DSCAM: variants seen among roughly 807,000 people sequenced by gnomAD.
The protein encoded by DSCAM is DS cell adhesion molecule, also known as cell adhesion molecule DSCAM.
In DSCAM, 47 loss-of-function variants were observed where a neutral mutation model predicts 217.7. The observed-to-expected ratio is 0.22, with a 90% CI of 0.17 to 0.28. DSCAM has a LOEUF of 0.28. Ranked by LOEUF, DSCAM falls within the 10% of genes least tolerant of loss-of-function variation. DSCAM has a pLI of 1.00. For synonymous variants in DSCAM, 1,056 were observed against 1,015.3 expected, an observed-to-expected ratio of 1.04 and a Z score of -0.76; for missense variants, 2,080 against 2,618.3, an observed-to-expected ratio of 0.79 and a Z score of 4.49.
chr21:40,243,120 TTC>T (rs1187291728), intron 11 of DSCAM, among the ~76,000 whole-genome samples: 2 of 152,350 alleles, frequency 1.3e-5, no homozygotes, highest in East Asian at 3.9e-4. Context: ...ACCCCTGGGA[TTC>T]TGTTACAGTG....
intron 3 of DSCAM, among the ~76,000 whole-genome samples, chr21:40,449,328 C>T (rs2075700929): frequency 6.6e-6 from 1 of 152,156 alleles, no homozygotes; most frequent in Non-Finnish European, 1.5e-5. Flanking sequence ...GGGGGAGCAT[C>T]ATTCTATCAC....
At chr21:40,055,123 A>G (rs1256516131) in intron 29 of DSCAM, among the ~76,000 whole-genome samples, 1 of 152,144 alleles carries the variant, frequency 6.6e-6, no homozygotes, top group East Asian at 1.9e-4. Context: ...CTGGTTGAAC[A>G]AGCCAGAAAA....
chr21:40,044,748 AC>A (rs2088816131), intron 30 of DSCAM, among the ~76,000 whole-genome samples: 2 of 152,356 alleles, frequency 1.3e-5, no homozygotes, highest in South Asian at 4.1e-4. Context: ...GGATGATAGT[AC>A]AAAAAATAAT....
Position 40,591,485 on chromosome 21 carries a change from T to C in DSCAM, c.508+101325A>G, listed in dbSNP as rs1392671574. Among the ~76,000 whole-genome samples, 8 of 152,256 alleles carry C rather than the reference T, an allele frequency of 5.3e-5. No individual in the cohort carries two copies. In the East Asian group the frequency reaches 9.7e-4, roughly 18 times the overall value. ...CATTCGATATAAGTAAAGAGGAAAA[T>C]TGTATGTTAACTTGTTTTCTATCCC... is the stretch of plus-strand genomic sequence containing the variant. On this transcript the variant is annotated intron_variant, in intron 3 of 32. Coordinates refer to ENST00000400454, the MANE Select transcript of DSCAM (RefSeq NM_001389.5).
intron 3 of DSCAM, among the ~76,000 whole-genome samples, chr21:40,491,578 T>C (rs2076076423): frequency 2.6e-5 from 4 of 152,132 alleles, no homozygotes; most frequent in Admixed American, 2.0e-4. Flanking sequence ...TTCCAAGGGC[T>C]GCAATACCCC....
chr21:40,438,271 A>G (rs1296045703), intron 3 of DSCAM, among the ~76,000 whole-genome samples: 1 of 151,846 alleles, frequency 6.6e-6, no homozygotes, highest in Non-Finnish European at 1.5e-5. Flanking sequence ...AGCTTGTGAT[A>G]TTGTCCAAAG....
At chr21:40,036,977 T>TA (rs1204536984) in intron 32 of DSCAM, among the ~76,000 whole-genome samples, 1 of 150,728 alleles carries the variant, frequency 6.6e-6, no homozygotes, top group Non-Finnish European at 1.5e-5. Context: ...CCCTTCATGC[T>TA]AAAAACTCTT....
chr21:40,555,394 T>C (rs1344080110), intron 3 of DSCAM, among the ~76,000 whole-genome samples: 1 of 152,230 alleles, frequency 6.6e-6, no homozygotes, highest in Non-Finnish European at 1.5e-5. Context: ...AACCCAATGA[T>C]ATGTCATTTC....
intron 2 of DSCAM, among the ~76,000 whole-genome samples, chr21:40,699,963 C>A (rs2090638139): frequency 6.6e-6 from 1 of 152,122 alleles, no homozygotes; most frequent in African/African-American, 2.4e-5. Flanking sequence ...AAAATGCCAT[C>A]CAGGATTTTC....
intron 3 of DSCAM, among the ~76,000 whole-genome samples, chr21:40,462,513 T>C (rs1338397010): frequency 6.6e-6 from 1 of 151,858 alleles, no homozygotes; most frequent in Non-Finnish European, 1.5e-5. Flanking sequence ...GTGGAGATCT[T>C]TAAAAAATTT....
chr21:40,324,103 C>CAAAAAAAAAAAAA lies in DSCAM; in HGVS notation c.1784-11757_1784-11745dup, dbSNP rs71330393. ...GGGCAACAAGAGTGAAACTCTGTCT[C>CAAAAAAAAAAAAA]AAAAAAAAAAAAAAAAAAAAAAAAA... On this transcript the variant is annotated intron_variant, in intron 8 of 32. Transcript: ENST00000400454. 9.1e-3 allele frequency among the ~76,000 whole-genome samples: 255 copies of CAAAAAAAAAAAAA among 27,992 alleles called. 3 individuals carry two copies. Among genetic ancestry groups the CAAAAAAAAAAAAA allele is most frequent in the Non-Finnish European group, 0.011 (189 of 16,678 alleles). 18.4% of individuals were successfully genotyped at this position (27,992 alleles called of 152,430 possible).
intron 3 of DSCAM, among the ~76,000 whole-genome samples, chr21:40,614,377 T>G (rs2089359167): frequency 6.6e-6 from 1 of 152,224 alleles, no homozygotes; most frequent in African/African-American, 2.4e-5. Flanking sequence ...GGCTACTCCT[T>G]AACAATCAAG....
Position 40,143,670 on chromosome 21 carries a change from A to G in DSCAM, c.3259+821T>C, listed in dbSNP as rs1474677828. ...GCCAGGCGTGGTGGCGGGTGCCTGC[A>G]GTCCCAGCTACTCGGGAGGCTGAGG... On this transcript the variant is annotated intron_variant, in intron 17 of 32. Transcript: ENST00000400454. Among the ~76,000 whole-genome samples the G allele has an allele frequency of 3.9e-5, 6 of 152,340 alleles. No individual in the cohort carries two copies. In the East Asian group the frequency reaches 1.2e-3, roughly 29 times the overall value.
chr21:40,519,312 A>G (rs2076340082), intron 3 of DSCAM, among the ~76,000 whole-genome samples: 1 of 152,164 alleles, frequency 6.6e-6, no homozygotes, highest in African/African-American at 2.4e-5. Flanking sequence ...AACATCTACA[A>G]TCCAGTCAAT....
At chr21:40,086,057 T>C (rs1175838887) in intron 22 of DSCAM, among the ~76,000 whole-genome samples, 5 of 152,218 alleles carry the variant, frequency 3.3e-5, no homozygotes, top group Non-Finnish European at 4.4e-5. Context: ...TGGGTCCCTC[T>C]TTACTCCACT....
intron 29 of DSCAM, among the ~76,000 whole-genome samples, chr21:40,055,166 AGGGCCCTG>A (rs1336617518): frequency 6.6e-6 from 1 of 151,646 alleles, no homozygotes; most frequent in East Asian, 1.9e-4. Context: ...CCCTAAAACT[AGGGCCCTG>A]GTGTTTTTCC....
intron 10 of DSCAM, among the ~76,000 whole-genome samples, chr21:40,289,478 TC>T (rs1197227622): frequency 6.6e-6 from 1 of 152,070 alleles, no homozygotes; most frequent in African/African-American, 2.4e-5. Context: ...GTACAGTAGT[TC>T]CCCCTCATCC....
intron 3 of DSCAM, among the ~76,000 whole-genome samples, chr21:40,635,203 G>A (rs7276143): frequency 0.05 from 7,575 of 152,178 alleles, 625 homozygotes; most frequent in African/African-American, 0.17. Flanking sequence ...CGACAGGAGA[G>A]AAAGGGGAAA....
intron 3 of DSCAM, among the ~76,000 whole-genome samples, chr21:40,393,636 A>G (rs2075153364): frequency 6.6e-6 from 1 of 152,208 alleles, no homozygotes; most frequent in Non-Finnish European, 1.5e-5. Flanking sequence ...CCAAGGATGA[A>G]CAGCTGAACA....
Sources: gnomAD v4.1 joint callset for allele counts (sites outside exome capture counted in the v4.1 genomes callset) on GRCh38, gnomAD v4.1.1 for gene constraint, MANE v1.5 for transcripts, NCBI Gene and HGNC (gene_info 2026-07-23, HGNC 2026-07-21) for gene names.